USH2A: variants seen among roughly 807,000 people sequenced by gnomAD.
USH2A encodes the protein Usher syndrome 2A (autosomal recessive, mild).
Under a neutral mutation model 538.9 loss-of-function variants are expected in USH2A, and 443 were observed. That is an observed-to-expected ratio of 0.82 (90% CI 0.76 to 0.89). The LOEUF (loss-of-function observed/expected upper bound fraction) is 0.89. USH2A is among the 40% of genes least tolerant of loss of function. USH2A has a pLI of 0.00. For synonymous variants in USH2A, 2,413 were observed against 2,273.5 expected, an observed-to-expected ratio of 1.06 and a Z score of -1.75; for missense variants, 6,633 against 6,324.8, an observed-to-expected ratio of 1.05 and a Z score of -1.65.
At chr1:215,667,439 G>C (rs1252645028) in intron 64 of USH2A, among the ~76,000 whole-genome samples, 1 of 152,078 alleles carries the variant, frequency 6.6e-6, no homozygotes, top group East Asian at 1.9e-4. Context: ...CTGCCCGTTA[G>C]AACTCATCCA....
chr1:215,809,988 G>T (rs922428683), intron 49 of USH2A, among the ~76,000 whole-genome samples: 18 of 152,104 alleles, frequency 1.2e-4, no homozygotes, highest in Admixed American at 8.5e-4. Flanking sequence ...GAGGACAGAG[G>T]TCACAAAATA....
chr1:216,132,048 C>G lies in USH2A; in HGVS notation c.4628-34835G>C, dbSNP rs1020028254. Among the ~76,000 whole-genome samples the G allele has an allele frequency of 2.6e-5, 4 of 152,146 alleles. No individual in the cohort carries two copies. The South Asian group carries it at 8.3e-4, about 32-fold the overall frequency. ...TAACCTAGAAATTTGTGTCCACATG[C>G]TCTTGAGTCCAAGTCCACAACCACT... is the stretch of plus-strand genomic sequence containing the variant. On this transcript the variant is annotated intron_variant, in intron 21 of 71. Transcript: ENST00000307340.
At chr1:216,386,797 G>A (rs1298426163) in intron 3 of USH2A, among the ~76,000 whole-genome samples, 1 of 151,836 alleles carries the variant, frequency 6.6e-6, no homozygotes, top group Admixed American at 6.6e-5. Flanking sequence ...GGAGCTTGCC[G>A]TGAGCTGAGA....
At chr1:215,868,489 C>G (rs1664540009) in intron 43 of USH2A, among the ~76,000 whole-genome samples, 1 of 152,164 alleles carries the variant, frequency 6.6e-6, no homozygotes, top group African/African-American at 2.4e-5. Flanking sequence ...TCTACACCTC[C>G]CTGCTTTACC....
At chr1:215,819,954 C>T (rs927742344) in intron 47 of USH2A, among the ~76,000 whole-genome samples, 5 of 151,652 alleles carry the variant, frequency 3.3e-5, no homozygotes, top group African/African-American at 1.2e-4. Context: ...GAGAAATATG[C>T]ATCATTATTA....
chr1:216,323,069 C>G (rs1404569316), intron 8 of USH2A, among the ~76,000 whole-genome samples: 1 of 151,972 alleles, frequency 6.6e-6, no homozygotes, highest in African/African-American at 2.4e-5. Flanking sequence ...TAAAAACTCT[C>G]TGGTGCTATA....
chr1:216,125,052 A>G (rs376734993), intron 21 of USH2A, among the ~76,000 whole-genome samples: 167 of 152,308 alleles, frequency 1.1e-3, no homozygotes, highest in African/African-American at 3.8e-3. Flanking sequence ...GCTTTAATCT[A>G]TCAGTGATTC....
intron 50 of USH2A, among the ~76,000 whole-genome samples, chr1:215,792,646 C>T (rs752382843): frequency 1.3e-5 from 2 of 152,142 alleles, no homozygotes; most frequent in African/African-American, 2.4e-5. Flanking sequence ...GCAGATGTTG[C>T]GGAGCAGAGT....
rs565248701 is a variant in USH2A at position 216,217,570 on chromosome 1, A to C, written c.2994-20T>G. On this transcript the variant is annotated intron_variant, in intron 14 of 71. Coordinates refer to ENST00000307340, the MANE Select transcript of USH2A (RefSeq NM_206933.4). The stretch of plus-strand genomic sequence containing the variant: ...TGACATCTGAAAACAAGGCAAATAA[A>C]CCATCAAAGAGAATAGTGTTTTGAT... 6.2e-7 allele frequency: 1 copy of C among 1,611,970 alleles called. No homozygotes were observed. Among genetic ancestry groups the C allele is most frequent in the African/African-American group, 1.3e-5 (1 of 74,926 alleles).
chr1:216,164,071 C>T (rs960707117), intron 21 of USH2A, among the ~76,000 whole-genome samples: 1 of 152,094 alleles, frequency 6.6e-6, no homozygotes, highest in Non-Finnish European at 1.5e-5. Flanking sequence ...CATGATTTCA[C>T]TGCAAGACTT....
intron 61 of USH2A, among the ~76,000 whole-genome samples, chr1:215,702,592 C>T (rs187974050): frequency 6.6e-6 from 1 of 151,706 alleles, no homozygotes; most frequent in Admixed American, 6.6e-5. Flanking sequence ...ATCCTTTCTT[C>T]TGCTTGATTG....
Position 215,741,481 on chromosome 1 carries a change from C to A in USH2A, c.11605G>T (p.Asp3869Tyr). The change falls in exon 60 of 72, where the codon GAT becomes TAT. Residue 3869 changes from aspartate to tyrosine, a missense_variant. Coordinates refer to ENST00000307340, the MANE Select transcript of USH2A (RefSeq NM_206933.4). ...GCCTTAAGAACAGGAGAATTAAGATCCATTGGGGCTGCTTCAGGTGTTTTG... is the reference window on the plus strand; with the variant it reads ...GCCTTAAGAACAGGAGAATTAAGATACATTGGGGCTGCTTCAGGTGTTTTG... ...FVKTPEAAPMDLNSPVLKALG... is the reference protein window; with the variant it reads ...FVKTPEAAPMYLNSPVLKALG... 6.2e-7 allele frequency: 1 copy of A among 1,613,858 alleles called. No homozygotes were observed.
intron 61 of USH2A, among the ~76,000 whole-genome samples, chr1:215,714,812 G>T (rs911726562): frequency 1.3e-5 from 2 of 152,106 alleles, no homozygotes; most frequent in African/African-American, 4.8e-5. Flanking sequence ...GACCTATATG[G>T]AATTTTTAAG....
chr1:216,387,877 G>A (rs1285594922), intron 3 of USH2A, among the ~76,000 whole-genome samples: 1 of 151,990 alleles, frequency 6.6e-6, no homozygotes, highest in Non-Finnish European at 1.5e-5. Flanking sequence ...GTCTGAATTA[G>A]GTATGAGGCA....
intron 3 of USH2A, among the ~76,000 whole-genome samples, chr1:216,408,169 G>T (rs1164944743): frequency 6.6e-6 from 1 of 152,078 alleles, no homozygotes; most frequent in African/African-American, 2.4e-5. Flanking sequence ...CTTGCTGTAG[G>T]TCTTGATTGG....
chr1:216,359,283 A>G (rs1206334608), intron 4 of USH2A, among the ~76,000 whole-genome samples: 1 of 152,100 alleles, frequency 6.6e-6, no homozygotes, highest in Non-Finnish European at 1.5e-5. Context: ...GTTTCACAAT[A>G]AGAAAATTGA....
intron 20 of USH2A, among the ~76,000 whole-genome samples, chr1:216,187,233 C>G (rs1223834070): frequency 6.6e-6 from 1 of 151,870 alleles, no homozygotes; most frequent in African/African-American, 2.4e-5. Context: ...TTCTCACAGC[C>G]CTTAGCACAT....
intron 13 of USH2A, among the ~76,000 whole-genome samples, chr1:216,236,479 T>C (rs1040537082): frequency 6.6e-6 from 1 of 152,160 alleles, no homozygotes; most frequent in African/African-American, 2.4e-5. Flanking sequence ...CAACATAGTC[T>C]CTGGTAATTT....
At position 215,760,542 on chromosome 1, in the gene USH2A, C is replaced by T. The variant is rs190027446; in HGVS notation, c.11048-699G>A. On this transcript the variant is annotated intron_variant, in intron 56 of 71. Transcript: ENST00000307340. ...ACTCTGAGTGTGAGACTCAAGAATCCAACTGTTTGCTTGACACCTCCATTT... is the reference window on the plus strand; with the variant it reads ...ACTCTGAGTGTGAGACTCAAGAATCTAACTGTTTGCTTGACACCTCCATTT... Among the ~76,000 whole-genome samples the T allele has an allele frequency of 1.8e-4, 27 of 152,218 alleles. No individual in the cohort carries two copies. The East Asian group carries it at 4.6e-3, about 26-fold the overall frequency.
Sources: gnomAD v4.1 joint callset for allele counts (sites outside exome capture counted in the v4.1 genomes callset) on GRCh38, gnomAD v4.1.1 for gene constraint, MANE v1.5 for transcripts, NCBI Gene and HGNC (gene_info 2026-07-23, HGNC 2026-07-21) for gene names.